EPB41L4A: variants seen among roughly 807,000 people sequenced by gnomAD.
EPB41L4A encodes the protein erythrocyte membrane protein band 4.1 like 4A.
A neutral mutation model predicts 108.6 loss-of-function variants in EPB41L4A; 100 were observed. The observed-to-expected ratio is 0.92, with a 90% CI of 0.78 to 1.09. EPB41L4A has a LOEUF of 1.09. Among genes scored for constraint, EPB41L4A ranks in the 50% least tolerant of loss-of-function variants. EPB41L4A has a pLI of 0.00. For missense variants in EPB41L4A, 1,030 were observed against 842.7 expected, an observed-to-expected ratio of 1.22 and a Z score of -2.75; for synonymous variants, 319 against 289.0, an observed-to-expected ratio of 1.10 and a Z score of -1.05.
At chr5:112,276,435 T>C (rs1329910993) in intron 3 of EPB41L4A, among the ~76,000 whole-genome samples, 11 of 152,226 alleles carry the variant, frequency 7.2e-5, no homozygotes, top group Non-Finnish European at 1.5e-4. Flanking sequence ...ATCAATCTAA[T>C]CTGTACTGTT....
chr5:112,170,102 AAT>A (rs1760489035), intron 20 of EPB41L4A, 197 bp downstream of exon 20: 4 of 560,306 alleles, frequency 7.1e-6, no homozygotes, highest in Non-Finnish European at 1.2e-5. Flanking sequence ...AGAGGTGGCT[AAT>A]AAGAGATGAT....
chr5:112,399,720 G>C (rs538791606), intron 1 of EPB41L4A, among the ~76,000 whole-genome samples: 7 of 152,174 alleles, frequency 4.6e-5, no homozygotes, highest in Admixed American at 1.3e-4. Context: ...CACACATCAC[G>C]TCTTAAATCC....
In EPB41L4A at chr5:112,262,634, A is replaced by AAG. The variant is rs1751576398; in HGVS notation, c.555-54_555-53insCT. On this transcript the variant is annotated intron_variant, in intron 6 of 22. Transcript: ENST00000261486. ...TTATTTTACAGCAGCTACTGCACTTACAGGGATGCAAACTATCTTCATTGT... is the reference window on the plus strand; with the variant it reads ...TTATTTTACAGCAGCTACTGCACTTAAGCAGGGATGCAAACTATCTTCATTGT... 24 of 1,385,504 alleles carry AAG rather than the reference A, an allele frequency of 1.7e-5. No homozygotes were observed. In the Admixed American group the frequency reaches 4.1e-4, roughly 23 times the overall value. 85.8% of individuals were successfully genotyped at this position (1,385,504 alleles called of 1,614,324 possible).
intron 1 of EPB41L4A, among the ~76,000 whole-genome samples, chr5:112,401,812 CACT>C (rs1443393470): frequency 1.3e-5 from 2 of 152,288 alleles, no homozygotes; most frequent in Middle Eastern, 3.4e-3. Flanking sequence ...CCTCAAGATA[CACT>C]AGTCAGCCTA....
At chr5:112,412,653 C>G (rs1580861204) in intron 1 of EPB41L4A, among the ~76,000 whole-genome samples, 1 of 152,138 alleles carries the variant, frequency 6.6e-6, no homozygotes, top group African/African-American at 2.4e-5. Flanking sequence ...GGAAACAAAA[C>G]TTATGGTGCA....
In EPB41L4A at chr5:112,264,950, G is replaced by A; in HGVS notation, c.500C>T (p.Pro167Leu). 6.2e-7 allele frequency: 1 copy of A among 1,611,866 alleles called. No individual in the cohort carries two copies. The highest frequency in any genetic ancestry group is 8.5e-7 in the Non-Finnish European group (1 of 1,179,012). The stretch of plus-strand genomic sequence containing the variant: ...TTCTTCAAGTTCTTCCTTCTGATCA[G>A]GAACAAACCGGTACTCAGATACATA... ...AGYVSEYRFV[P>L]DQKEELEEAI... Residue 167 changes from proline to leucine, a missense_variant, in exon 6 of 23, where the codon CCT becomes CTT. Physicochemically the swap from Pro to Leu is moderately conservative, Grantham distance 98 (BLOSUM62 -3). Transcript: ENST00000261486.
chr5:112,246,422 T>C (rs1750227396), intron 9 of EPB41L4A, among the ~76,000 whole-genome samples: 1 of 152,156 alleles, frequency 6.6e-6, no homozygotes, highest in Admixed American at 6.5e-5. Flanking sequence ...TAGGCTATAC[T>C]GTATAGCCTA....
chr5:112,390,539 C>G (rs1760868134), intron 1 of EPB41L4A, among the ~76,000 whole-genome samples: 1 of 152,154 alleles, frequency 6.6e-6, no homozygotes, highest in Admixed American at 6.5e-5. Context: ...AATAAAGCGG[C>G]CCAGAAACTC....
intron 8 of EPB41L4A, 26 bp downstream of exon 8, chr5:112,259,865 C>G (rs771204889): frequency 8.3e-6 from 13 of 1,574,728 alleles, no homozygotes; most frequent in African/African-American, 1.4e-5. Flanking sequence ...CATAGAATGC[C>G]AACTCTGTTC....
At chr5:112,409,136 A>C (rs1762267296) in intron 1 of EPB41L4A, among the ~76,000 whole-genome samples, 1 of 150,824 alleles carries the variant, frequency 6.6e-6, no homozygotes, top group African/African-American at 2.4e-5. Context: ...CATACAATGG[A>C]ATATTATTCA....
At chr5:112,306,087 CAA>C (rs1754663317) in intron 2 of EPB41L4A, among the ~76,000 whole-genome samples, 1 of 152,068 alleles carries the variant, frequency 6.6e-6, no homozygotes. Flanking sequence ...ATAACTTTAG[CAA>C]GACAGTCAAT....
At chr5:112,296,127 T>A (rs1753970809) in intron 2 of EPB41L4A, among the ~76,000 whole-genome samples, 1 of 152,164 alleles carries the variant, frequency 6.6e-6, no homozygotes, top group Admixed American at 6.5e-5. Flanking sequence ...ATGAACTAAA[T>A]CTGCAATTCT....
chr5:112,215,704 A>G (rs2150323869), intron 12 of EPB41L4A, among the ~76,000 whole-genome samples: 1 of 137,886 alleles, frequency 7.3e-6, no homozygotes, highest in Non-Finnish European at 1.5e-5. Flanking sequence ...TGGAGCTTGC[A>G]GTGAGCAGAG....
intron 1 of EPB41L4A, among the ~76,000 whole-genome samples, chr5:112,308,332 A>G (rs1183646407): frequency 2.6e-5 from 4 of 152,218 alleles, no homozygotes; most frequent in Admixed American, 6.5e-5. Flanking sequence ...GTTCAGTTTC[A>G]TCTTCCCTCA....
chr5:112,228,855 C>T (rs769834139), intron 12 of EPB41L4A: 24 of 447,734 alleles, frequency 5.4e-5, no homozygotes, highest in Non-Finnish European at 6.8e-5. Context: ...TGCTGACCTC[C>T]TCTGGGTGGG....
intron 17 of EPB41L4A, among the ~76,000 whole-genome samples, chr5:112,192,739 G>A (rs929658155): frequency 2.0e-5 from 3 of 152,162 alleles, no homozygotes; most frequent in Non-Finnish European, 4.4e-5. Flanking sequence ...TTCATTTTCA[G>A]TAGCGAATGG....
intron 1 of EPB41L4A, among the ~76,000 whole-genome samples, chr5:112,373,459 A>G (rs1054776816): frequency 3.9e-5 from 6 of 152,232 alleles, no homozygotes; most frequent in Non-Finnish European, 7.3e-5. Context: ...CACATAAATG[A>G]CAAAGGTACA....
intron 2 of EPB41L4A, among the ~76,000 whole-genome samples, chr5:112,287,484 A>AC (rs1383108875): frequency 1.3e-5 from 2 of 152,142 alleles, no homozygotes; most frequent in African/African-American, 4.8e-5. Context: ...TTCTTCAACA[A>AC]CTCTTTTAAT....
intron 1 of EPB41L4A, among the ~76,000 whole-genome samples, chr5:112,400,829 T>C (rs1022481629): frequency 4.2e-4 from 64 of 152,260 alleles, no homozygotes; most frequent in African/African-American, 1.4e-3. Context: ...GTATTAACAT[T>C]TACTGAACAC....
Sources: allele counts gnomAD v4.1 joint callset (sites outside exome capture counted in the v4.1 genomes callset), GRCh38; gene constraint gnomAD v4.1.1; transcripts MANE v1.5; gene names NCBI Gene and HGNC (gene_info 2026-07-23, HGNC 2026-07-21).